The following TMEM33 variants were observed in gnomAD, a reference collection of about 807,000 sequenced individuals.
The protein encoded by TMEM33 is transmembrane protein 33.
Under a neutral mutation model 29.7 loss-of-function variants are expected in TMEM33, and 16 were observed. That is an observed-to-expected ratio of 0.54 (90% CI 0.36 to 0.82). TMEM33 has a LOEUF of 0.82. TMEM33 is among the 40% of genes least tolerant of loss of function. The probability of loss-of-function intolerance (pLI) is 0.00; values close to 1 mark genes in which losing one functional copy is unlikely to be tolerated. For missense variants in TMEM33, 252 were observed against 295.3 expected (o/e 0.85, Z 1.08); for synonymous variants, 112 against 109.4 (o/e 1.02, Z -0.15).
In TMEM33 at chr4:41,935,518, G is replaced by C; in HGVS notation, c.34G>C (p.Ala12Pro). The change falls in exon 1 of 7, where the codon GCG (alanine) becomes CCG (proline). Residue 12 changes from alanine to proline, a missense_variant. Coordinates refer to ENST00000504986, the MANE Select transcript of TMEM33 (RefSeq NM_018126.3). ...ADTTPNGPQGAGAVQFMMTNK... is the reference protein window; with the variant it reads ...ADTTPNGPQGPGAVQFMMTNK... ...TACGACCCCGAACGGCCCCCAAGGG[G>C]CGGGCGCTGTGGTAAGTGCGAGGGC... 1 of 1,608,786 alleles carries C rather than the reference G, an allele frequency of 6.2e-7. No homozygotes were observed. The highest frequency in any genetic ancestry group is 8.5e-7 in the Non-Finnish European group (1 of 1,177,692).
chr4:41,945,257 T>C (rs1382219638), intron 5 of TMEM33, among the ~76,000 whole-genome samples: 7 of 152,218 alleles, frequency 4.6e-5, no homozygotes, highest in Non-Finnish European at 1.0e-4. Context: ...AGAAAAACTT[T>C]TAAAATTATG....
chr4:41,939,750 G>C (rs1227257401), intron 3 of TMEM33: 2 of 457,562 alleles, frequency 4.4e-6, no homozygotes, highest in East Asian at 6.9e-5. Flanking sequence ...AAAAAAGAGA[G>C]GTCCTCAGCT....
intron 6 of TMEM33, among the ~76,000 whole-genome samples, chr4:41,950,536 T>C (rs1712995363): frequency 6.6e-6 from 1 of 152,180 alleles, no homozygotes. Flanking sequence ...TTCTTACTAG[T>C]TCATTTTCAT....
At chr4:41,944,961 T>C (rs1712718736) in intron 5 of TMEM33, 35 bp downstream of exon 5, 3 of 1,603,398 alleles carry the variant, frequency 1.9e-6, no homozygotes, top group Non-Finnish European at 2.5e-6. Context: ...GGGAGGCTGA[T>C]GACTGAACGT....
chr4:41,939,481 G>T, intron 3 of TMEM33, 98 bp downstream of exon 3: 1 of 1,341,352 alleles, frequency 7.5e-7, no homozygotes, highest in East Asian at 2.3e-5. Flanking sequence ...ATGAAGCCTG[G>T]GTTTGTTCTC....
intron 5 of TMEM33, among the ~76,000 whole-genome samples, chr4:41,947,634 T>C (rs1426188962): frequency 2.0e-5 from 3 of 152,150 alleles, no homozygotes; most frequent in African/African-American, 7.2e-5. Flanking sequence ...GCTTATAAAG[T>C]GGTACTTAAT....
chr4:41,949,535 T>C lies in TMEM33; in HGVS notation c.614+150T>C, dbSNP rs528377620. 74 of 600,886 alleles carry C rather than the reference T, an allele frequency of 1.2e-4. No individual in the cohort carries two copies. In the African/African-American group the frequency reaches 1.3e-3, roughly 11 times the overall value. The allele number at this position is 600,886 out of a possible 1,614,324, so 37.2% of individuals were successfully genotyped here. The stretch of plus-strand genomic sequence containing the variant: ...AATTTAAGTTCTAGGCCTTAGAATG[T>C]ACTGGGGTTGGTGAGGAAGTGGTTG... On this transcript the variant is annotated intron_variant, in intron 6 of 6. Transcript: ENST00000504986.
chr4:41,946,077 G>GTTT (rs756912449), intron 5 of TMEM33, among the ~76,000 whole-genome samples: 2 of 116,270 alleles, frequency 1.7e-5, no homozygotes, highest in Non-Finnish European at 3.7e-5. Context: ...ATCCAGTTCT[G>GTTT]TTTTTTTTTT....
At chr4:41,948,418 A>C (rs763876362) in intron 5 of TMEM33, among the ~76,000 whole-genome samples, 2 of 152,124 alleles carry the variant, frequency 1.3e-5, no homozygotes, top group Non-Finnish European at 2.9e-5. Context: ...TTATTAGGGA[A>C]AATGGATGTT....
At chr4:41,950,212 A>G (rs1560519003) in intron 6 of TMEM33, among the ~76,000 whole-genome samples, 1 of 152,192 alleles carries the variant, frequency 6.6e-6, no homozygotes, top group Non-Finnish European at 1.5e-5. Flanking sequence ...GCTTAAATTA[A>G]TATACACTAA....
chr4:41,943,282 T>C (rs554731743), intron 3 of TMEM33, among the ~76,000 whole-genome samples: 1 of 152,208 alleles, frequency 6.6e-6, no homozygotes, highest in Non-Finnish European at 1.5e-5. Flanking sequence ...CCCAGCACTT[T>C]GGGAGGCCGA....
intron 5 of TMEM33, among the ~76,000 whole-genome samples, chr4:41,947,716 A>G (rs55941937): frequency 9.7e-4 from 148 of 152,350 alleles, no homozygotes; most frequent in African/African-American, 2.5e-3. Flanking sequence ...AATTAAGAAC[A>G]GTCTTACATT....
chr4:41,950,094 G>C (rs189999071), intron 6 of TMEM33, among the ~76,000 whole-genome samples: 2 of 152,086 alleles, frequency 1.3e-5, no homozygotes, highest in South Asian at 4.1e-4. Context: ...TGATGGTTTT[G>C]ACATCGTCAG....
At chr4:41,943,663 A>G (rs2153126987) in intron 3 of TMEM33, 84 bp from the exon 4 acceptor site, 1 of 1,228,944 alleles carries the variant, frequency 8.1e-7, no homozygotes, top group East Asian at 2.4e-5. Flanking sequence ...GATGTTTCAC[A>G]TCTGTATATT....
chr4:41,950,523 A>G (rs1712994858), intron 6 of TMEM33, among the ~76,000 whole-genome samples: 1 of 152,058 alleles, frequency 6.6e-6, no homozygotes. Context: ...TTAGACTGTT[A>G]TGTTCTTACT....
At position 41,957,551 on chromosome 4, in the gene TMEM33, G is replaced by A. The variant is rs1713320854; in HGVS notation, c.*3352G>A. ...ATGAATATTATTTTTTTCTGGAAAA[G>A]AAGATGAGTATATGTGTAATAAGAC... On this transcript the variant is annotated 3_prime_UTR_variant, in exon 7 of 7. Coordinates refer to ENST00000504986, the MANE Select transcript of TMEM33 (RefSeq NM_018126.3). 1 of 151,124 alleles carries A rather than the reference G, an allele frequency of 6.6e-6. No individual in the cohort carries two copies. Among genetic ancestry groups the A allele is most frequent in the Non-Finnish European group, 1.5e-5 (1 of 67,852 alleles). The allele number at this position is 151,124 out of a possible 1,614,324, so 9.4% of individuals were successfully genotyped here.
intron 6 of TMEM33, among the ~76,000 whole-genome samples, chr4:41,951,967 C>A (rs1327714270): frequency 1.3e-5 from 2 of 152,126 alleles, no homozygotes; most frequent in Non-Finnish European, 2.9e-5. Context: ...AGGCTGGGAA[C>A]CCCCATGATG....
intron 1 of TMEM33, among the ~76,000 whole-genome samples, chr4:41,938,365 A>C (rs1317366229): frequency 6.6e-6 from 1 of 152,088 alleles, no homozygotes; most frequent in Non-Finnish European, 1.5e-5. Context: ...ATATTTTTCT[A>C]TTTATTTCTG....
At chr4:41,951,255 T>A (rs1713026542) in intron 6 of TMEM33, among the ~76,000 whole-genome samples, 1 of 152,164 alleles carries the variant, frequency 6.6e-6, no homozygotes, top group South Asian at 2.1e-4. Context: ...ACTTAGAACT[T>A]GGTTCCTTTT....
Sources: gnomAD v4.1 joint callset for allele counts (sites outside exome capture counted in the v4.1 genomes callset) on GRCh38, gnomAD v4.1.1 for gene constraint, MANE v1.5 for transcripts, NCBI Gene and HGNC (gene_info 2026-07-23, HGNC 2026-07-21) for gene names.